The following PPARA variants were observed in gnomAD, a reference collection of about 807,000 sequenced individuals.
The protein encoded by PPARA is peroxisome proliferator-activated receptor alpha.
Under a neutral mutation model 42.2 loss-of-function variants are expected in PPARA, and 22 were observed. The ratio of observed to expected loss-of-function variants is 0.52; its 90% CI spans 0.37 to 0.74. PPARA has a LOEUF of 0.74. PPARA is among the 30% of genes least tolerant of loss of function. PPARA has a pLI of 0.00. For synonymous variants in PPARA, 242 were observed against 239.3 expected, an observed-to-expected ratio of 1.01 and a Z score of -0.10; for missense variants, 465 against 608.2, an observed-to-expected ratio of 0.76 and a Z score of 2.48.
intron 3 of PPARA, 78 bp downstream of exon 3, chr22:46,176,914 T>A (rs532759757): frequency 1.8e-4 from 28 of 152,328 alleles, no homozygotes; most frequent in African/African-American, 6.7e-4. Context: ...TGAGCACTTT[T>A]AAAAAGAATC....
chr22:46,242,345 T>TA lies in PPARA; in HGVS notation c.*6969dup, dbSNP rs1180843851. 1 of 152,632 alleles carries TA rather than the reference T, an allele frequency of 6.6e-6. No homozygotes were observed. The highest frequency in any genetic ancestry group is 1.5e-5 in the Non-Finnish European group (1 of 68,030). 9.5% of individuals were successfully genotyped at this position (152,632 alleles called of 1,614,324 possible). On this transcript the variant is annotated 3_prime_UTR_variant, in exon 9 of 9. Coordinates refer to ENST00000407236, the MANE Select transcript of PPARA (RefSeq NM_005036.6). This position sits in a 1 kb window ranked among gnomAD's most constrained non-coding sequence, Gnocchi z 6.1. ...GAGTGACTGGCCGATCATTTCACAA[T>TA]AAAATCACTCACTTTTGGCAACTTC...
At chr22:46,226,192 C>T (rs1405593773) in intron 7 of PPARA, among the ~76,000 whole-genome samples, 2 of 152,090 alleles carry the variant, frequency 1.3e-5, no homozygotes, top group African/African-American at 2.4e-5. Flanking sequence ...CACGCATACC[C>T]ACACTCACAT....
rs1932190412 is a variant in PPARA, at chr22:46,196,017, A to C, written c.-42-2325A>C. ...ACCTGGGCAAAGGTGCAGACGTGGA[A>C]TCCTGAAAGCAATTCTCAGCGCTGC... On this transcript the variant is annotated intron_variant, in intron 3 of 8. Transcript: ENST00000407236. The surrounding 1 kb of genome is among the most constrained non-coding windows in gnomAD (Gnocchi z 5.6). Among the ~76,000 whole-genome samples, 1 of 151,892 alleles carries C rather than the reference A, an allele frequency of 6.6e-6. No homozygotes were observed. Among genetic ancestry groups the C allele is most frequent in the South Asian group, 2.1e-4 (1 of 4,820 alleles).
chr22:46,215,606 G>A (rs908729300), intron 5 of PPARA, among the ~76,000 whole-genome samples: 3 of 152,062 alleles, frequency 2.0e-5, no homozygotes, highest in African/African-American at 7.2e-5. Flanking sequence ...GCCAGGCGTG[G>A]TGGTGGGCGC....
intron 2 of PPARA, among the ~76,000 whole-genome samples, chr22:46,157,871 G>C (rs944440942): frequency 6.6e-6 from 1 of 152,144 alleles, no homozygotes; most frequent in African/African-American, 2.4e-5. Context: ...CATTTTAAGA[G>C]ATTTGCAGAT....
intron 4 of PPARA, among the ~76,000 whole-genome samples, chr22:46,214,603 A>G (rs2147537449): frequency 7.0e-6 from 1 of 143,152 alleles, no homozygotes; most frequent in South Asian, 2.3e-4. Flanking sequence ...GGGTCTGGAG[A>G]TGTGCAGAGC....
chr22:46,185,954 TATATATATATAC>T lies in PPARA; in HGVS notation c.-43+9120_-43+9131del, dbSNP rs1227564313. ...ATATATATATATATATATATATATA[TATATATATATAC>T]ACACACACTAACCTTCAGCATATAG... is the stretch of plus-strand genomic sequence containing the variant. On this transcript the variant is annotated intron_variant, in intron 3 of 8. Transcript: ENST00000407236. Among the ~76,000 whole-genome samples the T allele has an allele frequency of 5.9e-3, 332 of 56,126 alleles. 41 individuals carry two copies. The highest frequency in any genetic ancestry group is 0.011 in the South Asian group (16 of 1,460). 36.8% of individuals were successfully genotyped at this position (56,126 alleles called of 152,430 possible).
At chr22:46,197,029 TGTTTGGTTTTGGTTTTG>T (rs371219280) in intron 3 of PPARA, among the ~76,000 whole-genome samples, 1,689 of 151,462 alleles carry the variant, frequency 0.011, 30 homozygotes, top group African/African-American at 0.038. Flanking sequence ...CCCTGTTTTT[TGTTTGGTTTTGGTTTTG>T]GTTTGGTTTT....
In PPARA at chr22:46,156,520, A is replaced by G. The variant is rs1925322041; in HGVS notation, c.-127+4550A>G. On this transcript the variant is annotated intron_variant, in intron 2 of 8. Coordinates refer to ENST00000407236, the MANE Select transcript of PPARA (RefSeq NM_005036.6). This position sits in a 1 kb window ranked among gnomAD's most constrained non-coding sequence, Gnocchi z 5.2. The stretch of plus-strand genomic sequence containing the variant: ...AGCAACATGCTACCGTACCCCTTAT[A>G]CACCAAAACTGGTTTTCATTTTGGA... 2 of 152,182 alleles carry G rather than the reference A, an allele frequency of 1.3e-5. No homozygotes were observed. The highest frequency in any genetic ancestry group is 4.8e-5 in the African/African-American group (2 of 41,422). 9.4% of individuals were successfully genotyped at this position (152,182 alleles called of 1,614,324 possible). A position where few individuals can be genotyped will look rare whatever the true frequency, so the allele number is the denominator to read the frequency against.
Position 46,183,379 on chromosome 22 carries a change from T to G in PPARA, c.-43+6543T>G, listed in dbSNP as rs557939937. Among the ~76,000 whole-genome samples, 12 of 152,348 alleles carry G rather than the reference T, an allele frequency of 7.9e-5. No individual in the cohort carries two copies. The South Asian group carries it at 1.2e-3, about 16-fold the overall frequency. The stretch of plus-strand genomic sequence containing the variant: ...TGAAGACTCCAAGAGAGAGTAATAT[T>G]CATCAAGAGGATCATCTACTCAACA... On this transcript the variant is annotated intron_variant, in intron 3 of 8. Coordinates refer to ENST00000407236, the MANE Select transcript of PPARA (RefSeq NM_005036.6). This position sits in a 1 kb window ranked among gnomAD's most constrained non-coding sequence, Gnocchi z 5.5.
At chr22:46,155,010 AAAAAAAAAAAAAAAAAAC>A (rs1238386254) in intron 2 of PPARA, 1 of 141,624 alleles carries the variant, frequency 7.1e-6, no homozygotes, top group Non-Finnish European at 1.5e-5. Context: ...AAAAAAAAAA[AAAAAAAAAAAAAAAAAAC>A]CACATTAATT....
Position 46,230,277 on chromosome 22 carries a change from G to A in PPARA, c.712-1515G>A, listed in dbSNP as rs1416347232. Among the ~76,000 whole-genome samples the A allele has an allele frequency of 4.6e-5, 7 of 152,070 alleles. No homozygotes were observed. The highest frequency in any genetic ancestry group is 4.4e-5 in the Non-Finnish European group (3 of 68,006). ...TCCCAGCTACTCAGAAGGCTGAGGC[G>A]GGAGAATCGCTTGAACCTGGGAGGC... On this transcript the variant is annotated intron_variant, in intron 7 of 8. Transcript: ENST00000407236. This position sits in a 1 kb window ranked among gnomAD's most constrained non-coding sequence, Gnocchi z 5.0.
chr22:46,160,465 T>C lies in PPARA; in HGVS notation c.-127+8495T>C, dbSNP rs1345358132. Among the ~76,000 whole-genome samples the C allele has an allele frequency of 6.6e-6, 1 of 151,940 alleles. No individual in the cohort carries two copies. Among genetic ancestry groups the C allele is most frequent in the African/African-American group, 2.4e-5 (1 of 41,342 alleles). On this transcript the variant is annotated intron_variant, in intron 2 of 8. Coordinates refer to ENST00000407236, the MANE Select transcript of PPARA (RefSeq NM_005036.6). This position sits in a 1 kb window ranked among gnomAD's most constrained non-coding sequence, Gnocchi z 4.5. ...GCACGCGCCACCATGCCTGGCTAAATTGTTGTATTTTTAGTAGAGATGGGG... is the reference window on the plus strand; with the variant it reads ...GCACGCGCCACCATGCCTGGCTAAACTGTTGTATTTTTAGTAGAGATGGGG...
At chr22:46,206,259 G>T (rs911911219) in intron 4 of PPARA, among the ~76,000 whole-genome samples, 1 of 144,656 alleles carries the variant, frequency 6.9e-6, no homozygotes, top group Non-Finnish European at 1.5e-5. Flanking sequence ...GCACCACCAC[G>T]CCCGGCTAAT....
At chr22:46,174,641 A>AC (rs888168941) in intron 2 of PPARA, among the ~76,000 whole-genome samples, 81 of 152,154 alleles carry the variant, frequency 5.3e-4, no homozygotes, top group African/African-American at 1.9e-3. Context: ...ACATAGTGAG[A>AC]CCCTGTCTCT....
intron 4 of PPARA, among the ~76,000 whole-genome samples, chr22:46,207,651 TTATTATTA>T (rs1569228027): frequency 4.5e-4 from 48 of 105,912 alleles, no homozygotes; most frequent in African/African-American, 2.3e-3. Flanking sequence ...TAATTTATTA[TTATTATTA>T]TTATTATTAT....
intron 1 of PPARA, among the ~76,000 whole-genome samples, chr22:46,151,435 C>T (rs1440657950): frequency 6.6e-6 from 1 of 152,234 alleles, no homozygotes; most frequent in African/African-American, 2.4e-5. Context: ...GCTGGAGGGG[C>T]GCGGGGTGGT....
rs541123349 is a variant in PPARA at position 46,191,989 on chromosome 22, C to T, written c.-42-6353C>T. ...CTGAGGCAGGAGAATCACTTGAACC[C>T]GTGAAACGGAAGTTGCGGTGAGCCG... On this transcript the variant is annotated intron_variant, in intron 3 of 8. Coordinates refer to ENST00000407236, the MANE Select transcript of PPARA (RefSeq NM_005036.6). The surrounding 1 kb of genome is among the most constrained non-coding windows in gnomAD (Gnocchi z 4.6). Among the ~76,000 whole-genome samples the T allele has an allele frequency of 1.9e-4, 29 of 152,166 alleles. No homozygotes were observed. The highest frequency in any genetic ancestry group is 4.0e-4 in the Non-Finnish European group (27 of 68,038).
intron 3 of PPARA, among the ~76,000 whole-genome samples, chr22:46,177,205 T>A (rs1366398294): frequency 1.3e-5 from 2 of 148,738 alleles, no homozygotes; most frequent in Non-Finnish European, 3.0e-5. Context: ...AGTGAGACCC[T>A]GTCTCAAAAA....
Sources: allele counts gnomAD v4.1 joint callset (sites outside exome capture counted in the v4.1 genomes callset), GRCh38; gene constraint gnomAD v4.1.1; non-coding constraint Gnocchi (gnomAD v3.1); transcripts MANE v1.5; gene names NCBI Gene and HGNC (gene_info 2026-07-23, HGNC 2026-07-21).